The following MPDZ variants were observed in gnomAD, a reference collection of about 807,000 sequenced individuals.
MPDZ encodes the protein multiple PDZ domain protein.
MPDZ carries 234 observed loss-of-function variants against 239.1 expected under a neutral mutation model. The ratio of observed to expected loss-of-function variants is 0.98; its 90% confidence interval spans 0.88 to 1.09. The LOEUF (loss-of-function observed/expected upper bound fraction) is 1.09, where lower values mean the gene tolerates loss of function less well. Among genes scored for constraint, MPDZ ranks in the 50% least tolerant of loss-of-function variants. The pLI is 0.00. For synonymous variants in MPDZ, 1,048 were observed against 881.3 expected, an observed-to-expected ratio of 1.19 and a Z score of -3.35; for missense variants, 3,175 against 2,510.0, an observed-to-expected ratio of 1.26 and a Z score of -5.66.
Position 13,192,289 on chromosome 9 carries a change from C to T in MPDZ, c.1810G>A (p.Gly604Ser), listed in dbSNP as rs368938835. Residue 604 changes from glycine (G) to serine (S), a missense_variant, in exon 15 of 47, where the codon GGC becomes AGC. Coordinates refer to ENST00000319217, the MANE Select transcript of MPDZ (RefSeq NM_001378778.1). ...TGATTTTCCCCAAGTAAAGTTATGC[C>T]ATTTACCTGTGAAAAAAGATACATT... is the stretch of plus-strand genomic sequence containing the variant. Reference protein sequence around the residue: ...FSGDELLEVNGITLLGENHQD... With the variant: ...FSGDELLEVNSITLLGENHQD... 2.1e-5 allele frequency: 34 copies of T among 1,594,530 alleles called. No homozygotes were observed. In the African/African-American group the frequency reaches 3.9e-4, roughly 18 times the overall value.
intron 3 of MPDZ, among the ~76,000 whole-genome samples, chr9:13,235,980 C>A (rs1199652308): frequency 1.3e-5 from 2 of 151,782 alleles, no homozygotes; most frequent in African/African-American, 2.4e-5. Flanking sequence ...ATGACAAAAT[C>A]AAATACAAAG....
rs975977581 is a variant in MPDZ at position 13,256,364 on chromosome 9, G to A, written c.-57-5992C>T. On this transcript the variant is annotated intron_variant, in intron 1 of 46. Transcript: ENST00000319217. ...TGGAGAAGCTATTTTAATCCTTCAA[G>A]ACCTTTTCCTTTGCATTCACAACTT... Among the ~76,000 whole-genome samples, 3 of 152,176 alleles carry A rather than the reference G, an allele frequency of 2.0e-5. No individual in the cohort carries two copies. The South Asian group carries it at 6.2e-4, about 32-fold the overall frequency.
intron 27 of MPDZ, among the ~76,000 whole-genome samples, chr9:13,141,798 T>G (rs1289929073): frequency 6.6e-6 from 1 of 152,130 alleles, no homozygotes; most frequent in Non-Finnish European, 1.5e-5. Context: ...CGCTGACTGA[T>G]AGAGATTTAA....
chr9:13,132,941 A>T (rs142259928), intron 32 of MPDZ, among the ~76,000 whole-genome samples: 77 of 152,276 alleles, frequency 5.1e-4, no homozygotes, highest in Non-Finnish European at 9.8e-4. Flanking sequence ...CAGTCATTAT[A>T]TCCTAGAATA....
At chr9:13,177,916 G>C (rs1474731512) in intron 19 of MPDZ, among the ~76,000 whole-genome samples, 2 of 152,148 alleles carry the variant, frequency 1.3e-5, no homozygotes, top group Non-Finnish European at 2.9e-5. Flanking sequence ...CATGTGTGAA[G>C]ATATATTCAC....
At chr9:13,139,785 TAAAGG>T (rs1947365213) in intron 28 of MPDZ, 197 bp downstream of exon 28, 1 of 615,248 alleles carries the variant, frequency 1.6e-6, no homozygotes, top group Non-Finnish European at 2.9e-6. Context: ...ACAGCACTTT[TAAAGG>T]AAAGGAAGAG....
At chr9:13,219,820 G>A in intron 7 of MPDZ, 52 bp from the exon 8 acceptor site, 2 of 1,544,610 alleles carry the variant, frequency 1.3e-6, no homozygotes, top group Non-Finnish European at 8.9e-7. Flanking sequence ...AACTGCAACA[G>A]ATAAATCCTA....
intron 1 of MPDZ, among the ~76,000 whole-genome samples, chr9:13,252,664 C>G (rs939200866): frequency 2.0e-5 from 3 of 151,344 alleles, no homozygotes; most frequent in African/African-American, 7.3e-5. Context: ...GCCTGGCCAA[C>G]ATGGTGATAC....
intron 23 of MPDZ, among the ~76,000 whole-genome samples, chr9:13,161,608 A>G (rs1255176678): frequency 6.6e-6 from 1 of 152,108 alleles, no homozygotes; most frequent in African/African-American, 2.4e-5. Context: ...TCTTCTGAGA[A>G]GACCTCAGAG....
intron 1 of MPDZ, among the ~76,000 whole-genome samples, chr9:13,269,393 T>C (rs941982966): frequency 6.6e-6 from 1 of 152,208 alleles, no homozygotes; most frequent in Non-Finnish European, 1.5e-5. Context: ...TGTTTCCTTT[T>C]TCTCTCAGGG....
At chr9:13,142,593 A>G (rs2132582232) in intron 27 of MPDZ, among the ~76,000 whole-genome samples, 1 of 152,304 alleles carries the variant, frequency 6.6e-6, no homozygotes, top group African/African-American at 2.4e-5. Context: ...GCACACTGTA[A>G]CACACCCACA....
chr9:13,152,560 G>A lies in MPDZ; in HGVS notation c.3453-1872C>T, dbSNP rs991807563. 7.9e-5 allele frequency among the ~76,000 whole-genome samples: 12 copies of A among 152,110 alleles called. No individual in the cohort carries two copies. In the South Asian group the frequency reaches 1.7e-3, roughly 21 times the overall value. On this transcript the variant is annotated intron_variant, in intron 24 of 46. Coordinates refer to ENST00000319217, the MANE Select transcript of MPDZ (RefSeq NM_001378778.1). ...ATGATTGTGAGGCCTCCCAAGTCAC[G>A]TGGAACTGTGAGTCCATTAAACCTC...
chr9:13,115,950 CAAAAAA>C (rs71491603), intron 39 of MPDZ, among the ~76,000 whole-genome samples: 40 of 40,602 alleles, frequency 9.9e-4, no homozygotes, highest in African/African-American at 3.5e-3. Context: ...GACTCCACCT[CAAAAAA>C]AAAAAAAAAA....
chr9:13,247,389 T>G (rs559187825), intron 3 of MPDZ, among the ~76,000 whole-genome samples: 1 of 152,292 alleles, frequency 6.6e-6, no homozygotes, highest in South Asian at 2.1e-4. Context: ...CTGTAGAAAC[T>G]CATTCTTCAG....
intron 1 of MPDZ, among the ~76,000 whole-genome samples, chr9:13,261,335 T>G (rs1456872704): frequency 6.6e-6 from 1 of 152,206 alleles, no homozygotes; most frequent in Non-Finnish European, 1.5e-5. Flanking sequence ...CTGATCTCCA[T>G]TTTTACAATG....
chr9:13,210,676 G>C (rs1000767240), intron 10 of MPDZ, among the ~76,000 whole-genome samples: 1 of 152,194 alleles, frequency 6.6e-6, no homozygotes, highest in Admixed American at 6.5e-5. Flanking sequence ...CCAGGCTCAA[G>C]TCATTTTGAA....
Position 13,149,076 on chromosome 9 carries a change from G to A in MPDZ, c.3631-1418C>T, listed in dbSNP as rs375598212. On this transcript the variant is annotated intron_variant, in intron 25 of 46. Coordinates refer to ENST00000319217, the MANE Select transcript of MPDZ (RefSeq NM_001378778.1). The stretch of plus-strand genomic sequence containing the variant: ...ACTTCTTAGTGACAATCCAAAATTT[G>A]AAATTTTAGGTAGTGTCCTAAATAA... Among the ~76,000 whole-genome samples, 7 of 151,794 alleles carry A rather than the reference G, an allele frequency of 4.6e-5. No individual in the cohort carries two copies. In the East Asian group the frequency reaches 7.7e-4, roughly 17 times the overall value.
In MPDZ at chr9:13,217,222, A is replaced by G; in HGVS notation, c.1159T>C (p.Leu387=). 6.2e-7 allele frequency: 1 copy of G among 1,603,584 alleles called. No homozygotes were observed. Among genetic ancestry groups the G allele is most frequent in the Non-Finnish European group, 8.5e-7 (1 of 1,175,162 alleles). The change falls in exon 9 of 47, where the codon TTA becomes CTA. Residue 387 remains leucine, a synonymous_variant. Transcript: ENST00000319217. ...ATGTAGCCAGCAATGGTAATTCCTA[A>G]TCCTTGGACATTTTTAGTGAGTTCT... The part of the protein sequence containing the change: ...DVELTKNVQG[L]GITIAGYIGD...
chr9:13,225,555 A>G (rs925895392), intron 3 of MPDZ, among the ~76,000 whole-genome samples: 2 of 151,952 alleles, frequency 1.3e-5, no homozygotes, highest in Non-Finnish European at 2.9e-5. Context: ...CGTGTCTCCT[A>G]TACAGGTGTA....
Sources: allele counts gnomAD v4.1 joint callset (sites outside exome capture counted in the v4.1 genomes callset), GRCh38; gene constraint gnomAD v4.1.1; transcripts MANE v1.5; gene names NCBI Gene and HGNC (gene_info 2026-07-23, HGNC 2026-07-21).